Variants in MAPK8IP3 observed in about 807,000 individuals in gnomAD.
The protein encoded by MAPK8IP3 is mitogen-activated protein kinase 8 interacting protein 3.
MAPK8IP3 carries 49 observed loss-of-function variants against 157.8 expected under a neutral mutation model. The ratio of observed to expected loss-of-function variants is 0.31; its 90% CI spans 0.25 to 0.39. The LOEUF (loss-of-function observed/expected upper bound fraction) is 0.39. Among genes scored for constraint, MAPK8IP3 ranks in the 10% least tolerant of loss-of-function variants. MAPK8IP3 has a pLI of 1.00. For synonymous variants in MAPK8IP3, 897 were observed against 777.7 expected (o/e 1.15, Z -2.55); for missense variants, 1,478 against 1,889.4 (o/e 0.78, Z 4.04).
At chr16:1,736,093 T>C in intron 4 of MAPK8IP3, among the ~76,000 whole-genome samples, 3 of 122,362 alleles carry the variant, frequency 2.5e-5, no homozygotes, top group Non-Finnish European at 5.0e-5. Context: ...AGTGTGACCG[T>C]CCATGTGAGC....
At position 1,741,672 on chromosome 16, in the gene MAPK8IP3, C is replaced by T. The variant is rs1460199740; in HGVS notation, c.603-1660C>T. ...GCAGACAGGGCGGTTGAAGCCCAGC[C>T]TCCCACTGGGGTCATGCTCCCTGGG... On this transcript the variant is annotated intron_variant, in intron 4 of 31. Transcript: ENST00000610761. This position sits in a 1 kb window ranked among gnomAD's most constrained non-coding sequence, Gnocchi z 6.9. 6.6e-6 allele frequency among the ~76,000 whole-genome samples: 1 copy of T among 152,118 alleles called. No individual in the cohort carries two copies. Among genetic ancestry groups the T allele is most frequent in the African/African-American group, 2.4e-5 (1 of 41,426 alleles).
intron 13 of MAPK8IP3, 50 bp from the exon 14 acceptor site, chr16:1,762,301 T>A: frequency 6.6e-7 from 1 of 1,520,370 alleles, no homozygotes; most frequent in Middle Eastern, 1.7e-4. Flanking sequence ...GAAGCAGGTG[T>A]CACCCGGCCT....
intron 1 of MAPK8IP3, among the ~76,000 whole-genome samples, chr16:1,716,310 C>CTTTT (rs1195691751): frequency 7.7e-6 from 1 of 129,576 alleles, no homozygotes; most frequent in Non-Finnish European, 1.7e-5. Flanking sequence ...CAGGTCATTT[C>CTTTT]TTTTTTTTTT....
intron 1 of MAPK8IP3, among the ~76,000 whole-genome samples, chr16:1,717,897 G>T (rs2038257622): frequency 6.6e-6 from 1 of 151,882 alleles, no homozygotes; most frequent in Non-Finnish European, 1.5e-5. Context: ...TATCGCCCAG[G>T]CTGGAGTGCA....
At position 1,741,970 on chromosome 16, in the gene MAPK8IP3, C is replaced by T. The variant is rs754151786; in HGVS notation, c.603-1362C>T. 2.0e-5 allele frequency among the ~76,000 whole-genome samples: 3 copies of T among 152,168 alleles called. No individual in the cohort carries two copies. Among genetic ancestry groups the T allele is most frequent in the African/African-American group, 2.4e-5 (1 of 41,448 alleles). On this transcript the variant is annotated intron_variant, in intron 4 of 31. Coordinates refer to ENST00000610761, the MANE Select transcript of MAPK8IP3 (RefSeq NM_001318852.2). This position sits in a 1 kb window ranked among gnomAD's most constrained non-coding sequence, Gnocchi z 6.9. Reference sequence around the variant, plus strand: ...AGCTCCTGGTCAGCGGCGGCTGCTGCGTTCCCCTGTCGCCGTCTGCATCCT... The same window carrying T: ...AGCTCCTGGTCAGCGGCGGCTGCTGTGTTCCCCTGTCGCCGTCTGCATCCT...
chr16:1,727,154 G>C (rs533030357), intron 2 of MAPK8IP3, among the ~76,000 whole-genome samples: 2 of 151,508 alleles, frequency 1.3e-5, no homozygotes, highest in African/African-American at 4.8e-5. Context: ...GTTGTGTGCT[G>C]TGTGGAGGGT....
chr16:1,768,217 C>T lies in MAPK8IP3; in HGVS notation c.3581C>T (p.Thr1194Ile). 1.2e-6 allele frequency: 2 copies of T among 1,612,474 alleles called. No homozygotes were observed. Among genetic ancestry groups the T allele is most frequent in the Non-Finnish European group, 1.7e-6 (2 of 1,179,898 alleles). The change falls in exon 30 of 32, where the codon ACC becomes ATC. Residue 1194 changes from threonine (T) to isoleucine (I), a missense_variant. Around this residue, in one of 11 missense-constraint regions of MAPK8IP3, gnomAD observed 83 missense variants for 85.3 expected, o/e 0.97. Coordinates refer to ENST00000610761, the MANE Select transcript of MAPK8IP3 (RefSeq NM_001318852.2). ...LGLRANKTSP[T>I]SGEGARPGGI... ...CCTGCAGCCAATAAGACATCCCCCA[C>T]CTCTGGGGAGGGCGCCCGTCCCGGG...
Position 1,769,273 on chromosome 16 carries a change from A to C in MAPK8IP3, c.*449A>C. ...GGGCCACCCTGCCTCCTGGGCCCTC[A>C]CTCTGCCTAGGGGAGCTGGGCCAGG... On this transcript the variant is annotated 3_prime_UTR_variant, in exon 32 of 32. Coordinates refer to ENST00000610761, the MANE Select transcript of MAPK8IP3 (RefSeq NM_001318852.2). 5.1e-6 allele frequency: 1 copy of C among 197,904 alleles called. No individual in the cohort carries two copies. The allele number at this position is 197,904 out of a possible 1,614,324, so 12.3% of individuals were successfully genotyped here.
intron 2 of MAPK8IP3, among the ~76,000 whole-genome samples, chr16:1,727,427 G>T (rs1214858245): frequency 6.8e-6 from 1 of 147,460 alleles, no homozygotes; most frequent in African/African-American, 2.4e-5. Context: ...TGAGTCACAT[G>T]TGTCACGTGT....
At chr16:1,760,127 C>A in intron 11 of MAPK8IP3, 112 bp downstream of exon 11, 1 of 1,178,920 alleles carries the variant, frequency 8.5e-7, no homozygotes, top group Non-Finnish European at 1.3e-6. Context: ...CCAACGCCAG[C>A]AGCTGTCCTC....
intron 2 of MAPK8IP3, among the ~76,000 whole-genome samples, chr16:1,725,970 C>G (rs1403434321): frequency 6.6e-6 from 1 of 152,250 alleles, no homozygotes; most frequent in African/African-American, 2.4e-5. Context: ...AGGCGCGAGC[C>G]ACCGCGCCTG....
intron 4 of MAPK8IP3, among the ~76,000 whole-genome samples, chr16:1,734,833 C>G (rs2039554975): frequency 6.6e-6 from 1 of 152,286 alleles, no homozygotes; most frequent in African/African-American, 2.4e-5. Context: ...CGCCCTCCTT[C>G]CTGACCCAGA....
At chr16:1,749,877 T>A (rs2041191560) in intron 8 of MAPK8IP3, among the ~76,000 whole-genome samples, 1 of 152,200 alleles carries the variant, frequency 6.6e-6, no homozygotes, top group Non-Finnish European at 1.5e-5. Context: ...GGGAGGCCTG[T>A]CTCATCCTGG....
rs757059322 is a variant in MAPK8IP3, at chr16:1,768,460, C to A, written c.3743-17C>A. On this transcript the variant is annotated splice_polypyrimidine_tract_variant and intron_variant, in intron 30 of 31. Coordinates refer to ENST00000610761, the MANE Select transcript of MAPK8IP3 (RefSeq NM_001318852.2). The stretch of plus-strand genomic sequence containing the variant: ...CCCCCAGGAGGCCGCTGTCCTGAAT[C>A]GCTTCTGCCATCCCAGGGAACGTGC... 5 of 1,580,092 alleles carry A rather than the reference C, an allele frequency of 3.2e-6. No homozygotes were observed. The highest frequency in any genetic ancestry group is 3.4e-6 in the Non-Finnish European group (4 of 1,169,210).
At chr16:1,762,606 AGCCAGAGAGTC>A in intron 14 of MAPK8IP3, 58 bp from the exon 15 acceptor site, 4 of 1,546,436 alleles carry the variant, frequency 2.6e-6, no homozygotes, top group Non-Finnish European at 3.5e-6. Context: ...TCCTGGCGGG[AGCCAGAGAGTC>A]GCAGGTAAGG....
chr16:1,727,533 G>A (rs189196876), intron 2 of MAPK8IP3, among the ~76,000 whole-genome samples: 1 of 152,224 alleles, frequency 6.6e-6, no homozygotes, highest in Non-Finnish European at 1.5e-5. Context: ...TGTCTAAGTC[G>A]TGCGTGTGAG....
At chr16:1,707,181 G>C (rs1447388017) in intron 1 of MAPK8IP3, 2 of 154,300 alleles carry the variant, frequency 1.3e-5, no homozygotes, top group Non-Finnish European at 2.9e-5. Flanking sequence ...GGAATCTTTT[G>C]GTGTTCTTAG....
chr16:1,761,116 G>A, intron 12 of MAPK8IP3, 108 bp from the exon 13 acceptor site: 1 of 866,232 alleles, frequency 1.2e-6, no homozygotes. Flanking sequence ...AGAGCCCCCA[G>A]CCCTGCACAG....
chr16:1,765,849 T>C, intron 20 of MAPK8IP3, 111 bp from the exon 21 acceptor site: 2 of 1,014,552 alleles, frequency 2.0e-6, no homozygotes, highest in Non-Finnish European at 2.9e-6. Flanking sequence ...CTGGGTCTGC[T>C]GGGAAAGTGG....
Sources: allele counts gnomAD v4.1 joint callset (sites outside exome capture counted in the v4.1 genomes callset), GRCh38; gene constraint gnomAD v4.1.1; regional missense constraint gnomAD v4.1.1; non-coding constraint Gnocchi (gnomAD v3.1); transcripts MANE v1.5; gene names NCBI Gene and HGNC (gene_info 2026-07-23, HGNC 2026-07-21).